RECQL: variants seen among roughly 807,000 people sequenced by gnomAD.
The protein encoded by RECQL is ATP-dependent DNA helicase Q1.
RECQL carries 73 observed loss-of-function variants against 75.8 expected under a neutral mutation model. That is an observed-to-expected ratio of 0.96 (90% CI 0.80 to 1.17). The LOEUF is 1.17. RECQL is among the 50% of genes most tolerant of loss of function. The pLI, the probability that RECQL is intolerant of heterozygous loss-of-function variation, is 0.00. For synonymous variants in RECQL, 248 were observed against 254.4 expected, an observed-to-expected ratio of 0.97 and a Z score of 0.24; for missense variants, 699 against 772.1, an observed-to-expected ratio of 0.91 and a Z score of 1.12.
chr12:21,491,783 T>C, intron 2 of RECQL, 67 bp from the exon 3 acceptor site: 1 of 1,350,418 alleles, frequency 7.4e-7, no homozygotes, highest in Non-Finnish European at 1.0e-6. Context: ...TCCAGATTGA[T>C]TTCTGGGTGT....
At chr12:21,493,429 G>C (rs908199752) in intron 2 of RECQL, among the ~76,000 whole-genome samples, 4 of 152,104 alleles carry the variant, frequency 2.6e-5, no homozygotes, top group African/African-American at 9.7e-5. Context: ...AAAAATGTAG[G>C]ATCTGCATTA....
Position 21,470,964 on chromosome 12 carries a change from T to C in RECQL, c.1797+5A>G. ...ATATAAAACTGAAAATTAATAGCCA[T>C]TTACCCTGAAAGAGTTCTGCGTGGA... On this transcript the variant is annotated splice_donor_5th_base_variant and intron_variant, in intron 14 of 14. Transcript: ENST00000444129. The C allele has an allele frequency of 6.6e-7, 1 of 1,511,804 alleles. No individual in the cohort carries two copies. Among genetic ancestry groups the C allele is most frequent in the East Asian group, 2.5e-5 (1 of 39,560 alleles). The allele number at this position is 1,511,804 out of a possible 1,614,324, so 93.6% of individuals were successfully genotyped here. A position where few individuals can be genotyped will look rare whatever the true frequency, so the allele number is the denominator to read the frequency against.
intron 13 of RECQL, 24 bp downstream of exon 13, chr12:21,471,404 A>G: frequency 6.3e-7 from 1 of 1,577,292 alleles, no homozygotes; most frequent in Non-Finnish European, 8.6e-7. Flanking sequence ...AACCTGAAAG[A>G]ATAATGAATG....
At chr12:21,495,940 G>T (rs1943499592) in intron 2 of RECQL, among the ~76,000 whole-genome samples, 1 of 152,176 alleles carries the variant, frequency 6.6e-6, no homozygotes, top group Non-Finnish European at 1.5e-5. Flanking sequence ...AATGTATACT[G>T]AGAACAGATA....
chr12:21,487,376 T>C (rs1943325757), intron 4 of RECQL, among the ~76,000 whole-genome samples: 1 of 152,224 alleles, frequency 6.6e-6, no homozygotes, highest in South Asian at 2.1e-4. Flanking sequence ...GATTCATTTA[T>C]GCTGAGTAGA....
chr12:21,484,313 T>C (rs918706386), intron 5 of RECQL, among the ~76,000 whole-genome samples: 3 of 152,172 alleles, frequency 2.0e-5, no homozygotes, highest in South Asian at 4.1e-4. Context: ...CTCCTAGATA[T>C]ATTCTAGGAT....
At position 21,483,652 on chromosome 12, in the gene RECQL, G is replaced by A. The variant is rs1943235734; in HGVS notation, c.502-78C>T. The stretch of plus-strand genomic sequence containing the variant: ...GAAATACTAGGTGGTAAATGAAAAC[G>A]TTCATTTCTCCAAAGCAATAATAGC... On this transcript the variant is annotated intron_variant, in intron 5 of 14. Coordinates refer to ENST00000444129, the MANE Select transcript of RECQL (RefSeq NM_002907.4). 1.2e-5 allele frequency: 13 copies of A among 1,043,202 alleles called. 1 individual carries two copies. The South Asian group carries it at 1.5e-4, about 12-fold the overall frequency. The allele number at this position is 1,043,202 out of a possible 1,614,324, so 64.6% of individuals were successfully genotyped here. A position where few individuals can be genotyped will look rare whatever the true frequency, so the allele number is the denominator to read the frequency against.
At chr12:21,479,030 T>A (rs1334928412) in intron 6 of RECQL, among the ~76,000 whole-genome samples, 1 of 152,150 alleles carries the variant, frequency 6.6e-6, no homozygotes, top group African/African-American at 2.4e-5. Context: ...TTTGCCACTG[T>A]ACATGCCAGC....
chr12:21,491,502 A>G lies in RECQL; in HGVS notation c.214+17T>C, dbSNP rs1193054286. 2 of 1,564,672 alleles carry G rather than the reference A, an allele frequency of 1.3e-6. No individual in the cohort carries two copies. Among genetic ancestry groups the G allele is most frequent in the Non-Finnish European group, 1.7e-6 (2 of 1,165,702 alleles). On this transcript the variant is annotated intron_variant, in intron 3 of 14. Coordinates refer to ENST00000444129, the MANE Select transcript of RECQL (RefSeq NM_002907.4). The stretch of plus-strand genomic sequence containing the variant: ...AGAAGAAATAAAACTAGCAAAAAAA[A>G]AAAAAAAAAAGTTAACCTTCTTTAT...
At chr12:21,492,350 T>A (rs1417372863) in intron 2 of RECQL, among the ~76,000 whole-genome samples, 1 of 152,188 alleles carries the variant, frequency 6.6e-6, no homozygotes. Context: ...AATCTAAGTA[T>A]TAAAGTCAAA....
rs530540309 is a variant in RECQL at position 21,491,712 on chromosome 12, T to C, written c.21A>G (p.Leu7=). The change falls in exon 3 of 15, where the codon CTA becomes CTG. Residue 7 remains leucine, a synonymous_variant. Coordinates refer to ENST00000444129, the MANE Select transcript of RECQL (RefSeq NM_002907.4). MASVSA[L]TEELDSITSE... is the part of the protein sequence containing the mutation. Reference sequence around the variant, plus strand: ...TGGTTATAGAATCCAGTTCCTCAGTTAGAGCTATGGGAGGCAGCGCGGATA... The same window carrying C: ...TGGTTATAGAATCCAGTTCCTCAGTCAGAGCTATGGGAGGCAGCGCGGATA... 1.9e-6 allele frequency: 3 copies of C among 1,610,236 alleles called. No homozygotes were observed. The Admixed American group carries it at 5.1e-5, about 27-fold the overall frequency.
chr12:21,471,317 T>C, intron 13 of RECQL, 111 bp downstream of exon 13: 1 of 1,057,218 alleles, frequency 9.5e-7, no homozygotes, highest in Non-Finnish European at 1.3e-6. Context: ...TTACTTTCTA[T>C]AGCATTTAAA....
At chr12:21,472,594 C>CT (rs751262765) in intron 12 of RECQL, among the ~76,000 whole-genome samples, 8 of 152,080 alleles carry the variant, frequency 5.3e-5, no homozygotes, top group Non-Finnish European at 1.2e-4. Flanking sequence ...CATTTGTAAA[C>CT]TGTCATGGTG....
At chr12:21,497,080 C>T (rs142696234) in intron 2 of RECQL, among the ~76,000 whole-genome samples, 108 of 152,320 alleles carry the variant, frequency 7.1e-4, no homozygotes, top group African/African-American at 2.5e-3. Context: ...GCTCCTGGGT[C>T]TTACAAGAGA....
Position 21,486,508 on chromosome 12 carries a change from C to A in RECQL, c.472G>T (p.Ala158Ser). The A allele has an allele frequency of 2.5e-6, 4 of 1,598,380 alleles. No homozygotes were observed. Among genetic ancestry groups the A allele is most frequent in the African/African-American group, 1.4e-5 (1 of 73,438 alleles). ...LMVLKQLGIS[A>S]TMLNASSSKE... is the part of the protein sequence containing the mutation. Reference sequence around the variant, plus strand: ...GAACTAGAAGCATTTAACATGGTTGCTGAAATTCCTAATTGTTTTAAAACC... The same window carrying A: ...GAACTAGAAGCATTTAACATGGTTGATGAAATTCCTAATTGTTTTAAAACC... The change falls in exon 5 of 15, where the codon GCA becomes TCA. Residue 158 changes from alanine to serine, a missense_variant. Physicochemically the swap from Ala to Ser is moderately conservative, Grantham distance 99. Around this residue, in one of 2 missense-constraint regions of RECQL, gnomAD observed 669 missense variants for 713.5 expected, o/e 0.94. Coordinates refer to ENST00000444129, the MANE Select transcript of RECQL (RefSeq NM_002907.4).
intron 6 of RECQL, among the ~76,000 whole-genome samples, chr12:21,478,223 A>G (rs1943123647): frequency 6.6e-6 from 1 of 152,176 alleles, no homozygotes; most frequent in African/African-American, 2.4e-5. Flanking sequence ...ATTACAACTA[A>G]CAAAAGATAA....
intron 13 of RECQL, 54 bp from the exon 14 acceptor site, chr12:21,471,152 CAA>C (rs1391326767): frequency 6.7e-7 from 1 of 1,491,924 alleles, no homozygotes; most frequent in African/African-American, 1.4e-5. Context: ...TCACGGAAAA[CAA>C]ATTTATAAAA....
intron 2 of RECQL, among the ~76,000 whole-genome samples, chr12:21,493,994 A>G (rs1943459283): frequency 6.6e-6 from 1 of 152,182 alleles, no homozygotes; most frequent in African/African-American, 2.4e-5. Flanking sequence ...AAAAGAAAAG[A>G]AGTTTATTTT....
chr12:21,482,703 A>G (rs1037503763), intron 6 of RECQL, among the ~76,000 whole-genome samples: 8 of 152,208 alleles, frequency 5.3e-5, no homozygotes, highest in Non-Finnish European at 1.2e-4. Flanking sequence ...AGCCTGGATA[A>G]ATAAGCAGGG....
Sources: gnomAD v4.1 joint callset for allele counts (sites outside exome capture counted in the v4.1 genomes callset) on GRCh38, gnomAD v4.1.1 for gene constraint, gnomAD v4.1.1 regional missense constraint, MANE v1.5 for transcripts, NCBI Gene and HGNC (gene_info 2026-07-23, HGNC 2026-07-21) for gene names.